Variants in KAT2B observed in about 807,000 individuals in gnomAD.
KAT2B encodes the protein lysine acetyltransferase 2B.
A neutral mutation model predicts 105.9 loss-of-function variants in KAT2B; 36 were observed. The observed-to-expected ratio is 0.34, with a 90% CI of 0.26 to 0.45. KAT2B has a LOEUF of 0.45. KAT2B is among the 20% of genes least tolerant of loss of function. The pLI is 1.00. For synonymous variants in KAT2B, 397 were observed against 377.9 expected (o/e 1.05, Z -0.59); for missense variants, 820 against 1,021.6 (o/e 0.80, Z 2.69).
intron 1 of KAT2B, among the ~76,000 whole-genome samples, chr3:20,061,729 AAAAAT>A (rs1698103502): frequency 7.0e-6 from 1 of 142,680 alleles, no homozygotes; most frequent in East Asian, 2.1e-4. Flanking sequence ...GTATATATGA[AAAAAT>A]AATATATATG....
chr3:20,148,780 A>G (rs765501786), intron 17 of KAT2B: 2 of 300,730 alleles, frequency 6.7e-6, no homozygotes, highest in Non-Finnish European at 1.2e-5. Context: ...CACTTTAGAT[A>G]TAACTTTGCT....
rs1456208956 is a variant in KAT2B, at chr3:20,152,522, G to A, written c.2496G>A (p.Lys832=). 1 of 1,611,580 alleles carries A rather than the reference G, an allele frequency of 6.2e-7. No individual in the cohort carries two copies. The highest frequency in any genetic ancestry group is 8.5e-7 in the Non-Finnish European group (1 of 1,178,574). ...SKIKEAGLID[K] ...TTAAGGAAGCTGGATTAATTGACAA[G>A]TGATTTTTTTTCCCCTCTGCTTCTT... The change falls in exon 18 of 18, where the codon AAG becomes AAA. Residue 832 remains lysine, a synonymous_variant. Coordinates refer to ENST00000263754, the MANE Select transcript of KAT2B (RefSeq NM_003884.5).
At chr3:20,061,916 G>GTGTTATA (rs1559513797) in intron 1 of KAT2B, among the ~76,000 whole-genome samples, 13 of 33,008 alleles carry the variant, frequency 3.9e-4, no homozygotes, top group Non-Finnish European at 5.6e-4. Context: ...TATAAAATAT[G>GTGTTATA]TATTATATAT....
intron 13 of KAT2B, among the ~76,000 whole-genome samples, chr3:20,142,619 A>G (rs1205896693): frequency 6.6e-6 from 1 of 152,158 alleles, no homozygotes; most frequent in African/African-American, 2.4e-5. Flanking sequence ...CCAAGAGTGG[A>G]GAGTTAAGTG....
At chr3:20,089,186 G>C (rs1486771617) in intron 2 of KAT2B, among the ~76,000 whole-genome samples, 2 of 152,026 alleles carry the variant, frequency 1.3e-5, no homozygotes, top group African/African-American at 4.8e-5. Context: ...TGTTCTTTTT[G>C]CTCAAGATTG....
chr3:20,055,243 G>A (rs2929401), intron 1 of KAT2B, among the ~76,000 whole-genome samples: 61,709 of 151,946 alleles, frequency 0.41, 12,694 homozygotes, highest in East Asian at 0.59. Context: ...CAGCTGTAAT[G>A]TGGAGACAGT....
At chr3:20,119,044 G>A (rs1000535668) in intron 7 of KAT2B, among the ~76,000 whole-genome samples, 8 of 152,000 alleles carry the variant, frequency 5.3e-5, no homozygotes, top group Admixed American at 5.2e-4. Context: ...ATATGATGTT[G>A]GCTTGTCCCA....
rs533912473 is a variant in KAT2B at position 20,094,977 on chromosome 3, T to C, written c.431-286T>C. ...ACCCTATTAGGACCAGTCTTGATGC[T>C]ACCAGTACTGATTCTTAAAATATAC... On this transcript the variant is annotated intron_variant, in intron 2 of 17. Transcript: ENST00000263754. Among the ~76,000 whole-genome samples, 175 of 152,314 alleles carry C rather than the reference T, an allele frequency of 1.1e-3. 1 individual carries two copies. Among genetic ancestry groups the C allele is most frequent in the Admixed American group, 2.7e-3 (41 of 15,290 alleles).
intron 1 of KAT2B, among the ~76,000 whole-genome samples, chr3:20,064,807 A>T (rs142347132): frequency 1.3e-5 from 2 of 152,220 alleles, no homozygotes; most frequent in East Asian, 3.8e-4. Flanking sequence ...TTTTCCATCA[A>T]CGTGTTCTTG....
intron 1 of KAT2B, among the ~76,000 whole-genome samples, chr3:20,050,322 A>G (rs2125165750): frequency 6.6e-6 from 1 of 152,282 alleles, no homozygotes; most frequent in East Asian, 1.9e-4. Context: ...TTACACATAA[A>G]GGGCTCAAAT....
chr3:20,080,473 T>A (rs928477179), intron 2 of KAT2B, among the ~76,000 whole-genome samples: 2 of 152,364 alleles, frequency 1.3e-5, no homozygotes, highest in African/African-American at 2.4e-5. Flanking sequence ...TTCCTTCTTA[T>A]ATAACTATAA....
chr3:20,051,754 A>G (rs574822424), intron 1 of KAT2B, among the ~76,000 whole-genome samples: 72 of 152,374 alleles, frequency 4.7e-4, no homozygotes, highest in African/African-American at 1.7e-3. Context: ...GAAAAGTAGT[A>G]TTGAATATAT....
rs555304200 is a variant in KAT2B at position 20,054,678 on chromosome 3, A to G, written c.303+13898A>G. Among the ~76,000 whole-genome samples, 14 of 152,342 alleles carry G rather than the reference A, an allele frequency of 9.2e-5. 1 individual carries two copies. The South Asian group carries it at 2.7e-3, about 29-fold the overall frequency. On this transcript the variant is annotated intron_variant, in intron 1 of 17. Coordinates refer to ENST00000263754, the MANE Select transcript of KAT2B (RefSeq NM_003884.5). ...AGAAGTACAAGGATGAGACCTGAGT[A>G]ATATCATAGTGATTGATGGTGGCAG...
At chr3:20,074,980 A>G (rs1698391730) in intron 2 of KAT2B, among the ~76,000 whole-genome samples, 1 of 152,182 alleles carries the variant, frequency 6.6e-6, no homozygotes, top group Non-Finnish European at 1.5e-5. Context: ...ATATAATACC[A>G]TAAGGCCGGG....
intron 1 of KAT2B, among the ~76,000 whole-genome samples, chr3:20,056,413 G>A (rs921595321): frequency 6.6e-6 from 1 of 152,162 alleles, no homozygotes; most frequent in Non-Finnish European, 1.5e-5. Flanking sequence ...AGAATAAAGA[G>A]TTCTTTGTTG....
At chr3:20,127,309 C>T in intron 10 of KAT2B, 114 bp from the exon 11 acceptor site, 4 of 940,330 alleles carry the variant, frequency 4.3e-6, no homozygotes, top group Admixed American at 4.4e-5. Context: ...AAGGAAGTTT[C>T]TATAGAAACT....
chr3:20,144,778 TG>T (rs1699756817), intron 13 of KAT2B, among the ~76,000 whole-genome samples: 1 of 151,480 alleles, frequency 6.6e-6, no homozygotes, highest in Admixed American at 6.6e-5. Flanking sequence ...TAAAATCCTC[TG>T]ATTTTCATTT....
chr3:20,079,734 G>C (rs1371438525), intron 2 of KAT2B, among the ~76,000 whole-genome samples: 1 of 152,082 alleles, frequency 6.6e-6, no homozygotes, highest in Non-Finnish European at 1.5e-5. Flanking sequence ...TACATGTACT[G>C]TGCAGATGCC....
chr3:20,062,025 C>CATAATATATATAAAACAT (rs1698120294), intron 1 of KAT2B, among the ~76,000 whole-genome samples: 1 of 36,858 alleles, frequency 2.7e-5, no homozygotes, highest in African/African-American at 2.2e-4. Context: ...ATATATAAAA[C>CATAATATATATAAAACAT]ATAATATATA....
Sources: gnomAD v4.1 joint callset for allele counts (sites outside exome capture counted in the v4.1 genomes callset) on GRCh38, gnomAD v4.1.1 for gene constraint, MANE v1.5 for transcripts, NCBI Gene and HGNC (gene_info 2026-07-23, HGNC 2026-07-21) for gene names.